SNX25: variants seen among roughly 807,000 people sequenced by gnomAD.
SNX25 encodes the protein sorting nexin 25.
In SNX25, 62 loss-of-function variants were observed where a neutral mutation model predicts 113.7. The ratio of observed to expected loss-of-function variants is 0.55; its 90% CI spans 0.44 to 0.67. SNX25 has a LOEUF of 0.67. Ranked by LOEUF, SNX25 falls within the 30% of genes least tolerant of loss-of-function variation. SNX25 has a pLI of 0.00. For synonymous variants in SNX25, 421 were observed against 436.2 expected, an observed-to-expected ratio of 0.97 and a Z score of 0.43; for missense variants, 1,014 against 1,161.0, an observed-to-expected ratio of 0.87 and a Z score of 1.84.
At chr4:185,327,293 C>T (rs1200767665) in intron 9 of SNX25, among the ~76,000 whole-genome samples, 1 of 152,178 alleles carries the variant, frequency 6.6e-6, no homozygotes, top group Admixed American at 6.5e-5. Context: ...CCTGGGCCTT[C>T]CCTAGCTGCA....
intron 6 of SNX25, among the ~76,000 whole-genome samples, chr4:185,304,484 A>C (rs1268448251): frequency 6.6e-6 from 1 of 152,106 alleles, no homozygotes; most frequent in African/African-American, 2.4e-5. Flanking sequence ...CAGCCTCTCG[A>C]GTAGCTGGGA....
At chr4:185,269,099 G>A (rs1748545802) in intron 5 of SNX25, among the ~76,000 whole-genome samples, 1 of 152,076 alleles carries the variant, frequency 6.6e-6, no homozygotes, top group African/African-American at 2.4e-5. Flanking sequence ...TAGAACCCAA[G>A]AGCCAGTATT....
At chr4:185,350,628 T>C (rs539260297) in intron 13 of SNX25, among the ~76,000 whole-genome samples, 2 of 152,266 alleles carry the variant, frequency 1.3e-5, no homozygotes, top group African/African-American at 2.4e-5. Flanking sequence ...TTTGGGAGGC[T>C]GAGGCGGGCA....
At chr4:185,205,384 GT>G, upstream of SNX25, among the ~76,000 whole-genome samples, 1 of 151,896 alleles carries the variant, frequency 6.6e-6, no homozygotes, top group East Asian at 1.9e-4. Context: ...AACTCCGGAG[GT>G]GGAGGTTGCA....
chr4:185,366,731 CAA>C (rs1457481090), downstream of SNX25: 2 of 151,956 alleles, frequency 1.3e-5, no homozygotes, highest in African/African-American at 4.8e-5. Context: ...ATGACTGAAA[CAA>C]AATTTAAACA....
chr4:185,375,252 T>A, the SNX25 span, among the ~76,000 whole-genome samples: 1 of 150,444 alleles, frequency 6.6e-6, no homozygotes, highest in Admixed American at 6.6e-5. Context: ...ATTTTTGTAT[T>A]TTTAGTAGAG....
Position 185,237,081 on chromosome 4 carries a change from C to G in SNX25, c.430-10213C>G, listed in dbSNP as rs543071343. On this transcript the variant is annotated intron_variant, in intron 1 of 18. Coordinates refer to ENST00000652585, the MANE Select transcript of SNX25 (RefSeq NM_001378034.2). ...TTAGGAAAACAGTAATATGAGAAAA[C>G]TTGTAGGTTGAATTTTAAAGAATAG... is the stretch of plus-strand genomic sequence containing the variant. Among the ~76,000 whole-genome samples, 8 of 152,132 alleles carry G rather than the reference C, an allele frequency of 5.3e-5. No individual in the cohort carries two copies. In the South Asian group the frequency reaches 1.7e-3, roughly 32 times the overall value.
At chr4:185,326,449 A>G (rs188531756) in intron 9 of SNX25, among the ~76,000 whole-genome samples, 50 of 152,316 alleles carry the variant, frequency 3.3e-4, no homozygotes, top group African/African-American at 1.2e-3. Flanking sequence ...CAAGACAACA[A>G]TTGTTTATGG....
At chr4:185,243,367 T>C (rs926268155) in intron 1 of SNX25, among the ~76,000 whole-genome samples, 2 of 152,148 alleles carry the variant, frequency 1.3e-5, no homozygotes, top group Non-Finnish European at 2.9e-5. Context: ...CCCAGCACTT[T>C]GGGAGGCCTA....
At chr4:185,313,266 CT>C (rs1244357909) in intron 7 of SNX25, among the ~76,000 whole-genome samples, 5 of 152,274 alleles carry the variant, frequency 3.3e-5, no homozygotes, top group African/African-American at 1.2e-4. Context: ...TCTAGAGCAG[CT>C]ACTGTGAATA....
chr4:185,254,093 C>G (rs181660452), intron 2 of SNX25, among the ~76,000 whole-genome samples: 1 of 152,206 alleles, frequency 6.6e-6, no homozygotes, highest in African/African-American at 2.4e-5. Flanking sequence ...GATGGTGGCA[C>G]AGAGGAAGCA....
Position 185,362,094 on chromosome 4 carries a change from A to T in SNX25, c.2822A>T (p.Glu941Val). 6.2e-7 allele frequency: 1 copy of T among 1,612,574 alleles called. No homozygotes were observed. The highest frequency in any genetic ancestry group is 2.2e-5 in the East Asian group (1 of 44,844). The change falls in exon 17 of 19, where the codon GAA becomes GTA. Residue 941 changes from glutamate to valine, a missense_variant. Glu to Val is a moderately radical substitution (Grantham distance 121, BLOSUM62 -2). Coordinates refer to ENST00000652585, the MANE Select transcript of SNX25 (RefSeq NM_001378034.2). ...CAGAGAGCACAGCAAAAGCTGCTTG[A>T]AAACATTCCAGGTGAGGCCTGGGCT... is the stretch of plus-strand genomic sequence containing the variant. ...TKQRAQQKLL[E>V]NIPDMLQSLV...
intron 9 of SNX25, among the ~76,000 whole-genome samples, chr4:185,331,708 G>A (rs10006725): frequency 0.15 from 22,874 of 152,022 alleles, 2,443 homozygotes; most frequent in African/African-American, 0.31. Flanking sequence ...TTTGACCCGG[G>A]AGGCAGAGGT....
chr4:185,339,298 T>G, intron 10 of SNX25, 81 bp from the exon 11 acceptor site: 1 of 1,349,330 alleles, frequency 7.4e-7, no homozygotes. Flanking sequence ...TTATTGTGTG[T>G]TGACTTTGAA....
At chr4:185,282,414 C>T (rs1317871364) in intron 5 of SNX25, among the ~76,000 whole-genome samples, 1 of 152,134 alleles carries the variant, frequency 6.6e-6, no homozygotes, top group Non-Finnish European at 1.5e-5. Flanking sequence ...AGTGATCTAC[C>T]CACCTCAGCC....
intron 6 of SNX25, among the ~76,000 whole-genome samples, chr4:185,300,891 T>C (rs918291056): frequency 7.5e-6 from 1 of 134,138 alleles, no homozygotes; most frequent in Non-Finnish European, 1.6e-5. Context: ...TCTTCCATGG[T>C]TCCTGGCTCG....
At position 185,346,780 on chromosome 4, in the gene SNX25, T is replaced by C. The variant is rs2095289089; in HGVS notation, c.2301+130T>C. On this transcript the variant is annotated intron_variant, in intron 13 of 18. Coordinates refer to ENST00000652585, the MANE Select transcript of SNX25 (RefSeq NM_001378034.2). ...CATGCTAGATGCTAAAAAAATATCT[T>C]GGGTGTTTTTTTTAATTAAAGGAAA... 8.3e-6 allele frequency: 5 copies of C among 601,996 alleles called. No individual in the cohort carries two copies. The South Asian group carries it at 1.2e-4, about 15-fold the overall frequency. The allele number at this position is 601,996 out of a possible 1,614,324, so 37.3% of individuals were successfully genotyped here. A position where few individuals can be genotyped will look rare whatever the true frequency, so the allele number is the denominator to read the frequency against.
downstream of SNX25, among the ~76,000 whole-genome samples, chr4:185,371,334 T>C (rs2095414194): frequency 6.6e-6 from 1 of 151,936 alleles, no homozygotes; most frequent in Non-Finnish European, 1.5e-5. Context: ...GGTTAGGAGA[T>C]TGAGACCATC....
rs915124550 is a variant in SNX25, at chr4:185,209,990, G to T, written c.164G>T (p.Arg55Leu). The T allele has an allele frequency of 2.4e-4, 235 of 983,638 alleles. No homozygotes were observed. Among genetic ancestry groups the T allele is most frequent in the South Asian group, 6.0e-4 (13 of 21,548 alleles). The allele number at this position is 983,638 out of a possible 1,614,324, so 60.9% of individuals were successfully genotyped here. ...AAAAPGAPGG[R>L]SWWKPVAVAA... ...GCGGCGCCGGGGGCCCCGGGCGGCC[G>T]GAGCTGGTGGAAGCCCGTGGCGGTG... Residue 55 changes from arginine (R) to leucine (L), a missense_variant, in exon 1 of 19, where the codon CGG becomes CTG. Coordinates refer to ENST00000652585, the MANE Select transcript of SNX25 (RefSeq NM_001378034.2). The surrounding 1 kb of genome is among the most constrained non-coding windows in gnomAD (Gnocchi z 5.2).
Sources: allele counts gnomAD v4.1 joint callset (sites outside exome capture counted in the v4.1 genomes callset), GRCh38; gene constraint gnomAD v4.1.1; non-coding constraint Gnocchi (gnomAD v3.1); transcripts MANE v1.5; gene names NCBI Gene and HGNC (gene_info 2026-07-23, HGNC 2026-07-21).